SOX9: variants seen among roughly 807,000 people sequenced by gnomAD.
SOX9 encodes transcription factor SOX-9.
SOX9 carries 2 observed loss-of-function variants against 44.8 expected under a neutral mutation model. That is an observed-to-expected ratio of 0.04 (90% confidence interval 0.02 to 0.14). The LOEUF is 0.14. SOX9 is among the 10% of genes least tolerant of loss of function. The probability of loss-of-function intolerance (pLI) is 1.00; values close to 1 mark genes in which losing one functional copy is unlikely to be tolerated. For missense variants in SOX9, 583 were observed against 728.6 expected, an observed-to-expected ratio of 0.80 and a Z score of 2.30; for synonymous variants, 381 against 331.8, an observed-to-expected ratio of 1.15 and a Z score of -1.61.
Position 72,124,547 on chromosome 17 carries a change from T to A in SOX9, c.*160T>A. ...TCTTCTTCCTTAAAGACATTTAAGC[T>A]AAAGGCAACTCGTACCCAAATTTCC... On this transcript the variant is annotated 3_prime_UTR_variant, in exon 3 of 3. Coordinates refer to ENST00000245479, the MANE Select transcript of SOX9 (RefSeq NM_000346.4). This position sits in a 1 kb window ranked among gnomAD's most constrained non-coding sequence, Gnocchi z 4.6. The A allele has an allele frequency of 1.1e-6, 1 of 948,094 alleles. No individual in the cohort carries two copies. Among genetic ancestry groups the A allele is most frequent in the Non-Finnish European group, 1.6e-6 (1 of 620,034 alleles). 58.7% of individuals were successfully genotyped at this position (948,094 alleles called of 1,614,324 possible). A position where few individuals can be genotyped will look rare whatever the true frequency, so the allele number is the denominator to read the frequency against.
rs11448561 is a variant in SOX9, at chr17:72,126,364, C to CTTTTTTTTTTTTTT, written c.*1989_*1990insTTTTTTTTTTTTTT. 1 of 204,444 alleles carries CTTTTTTTTTTTTTT rather than the reference C, an allele frequency of 4.9e-6. No individual in the cohort carries two copies. Among genetic ancestry groups the CTTTTTTTTTTTTTT allele is most frequent in the African/African-American group, 2.4e-5 (1 of 42,356 alleles). The allele number at this position is 204,444 out of a possible 1,614,324, so 12.7% of individuals were successfully genotyped here. On this transcript the variant is annotated 3_prime_UTR_variant, in exon 3 of 3. Coordinates refer to ENST00000245479, the MANE Select transcript of SOX9 (RefSeq NM_000346.4). ...AACTTACCTTTCCCTTTTTCTTTCT[C>CTTTTTTTTTTTTTT]TTTTTTTTTTTTGTATATTATTGTT...
rs2143244963 is a variant in SOX9 at position 72,122,722 on chromosome 17, T to G, written c.435T>G (p.Leu145=). The stretch of plus-strand genomic sequence containing the variant: ...CCCCCCGCCCCGCCCCGAGCAGACT[T>G]CTGAACGAGAGCGAGAAGCGGCCCT... The part of the protein sequence containing the change: ...LSKTLGKLWR[L]LNESEKRPFV... The change falls in exon 2 of 3, where the codon CTT becomes CTG. Residue 145 remains leucine, a synonymous_variant. Coordinates refer to ENST00000245479, the MANE Select transcript of SOX9 (RefSeq NM_000346.4). 1 of 1,613,690 alleles carries G rather than the reference T, an allele frequency of 6.2e-7. No individual in the cohort carries two copies.
Position 72,123,966 on chromosome 17 carries a change from C to G in SOX9, c.1109C>G (p.Pro370Arg). 2.0e-6 allele frequency: 3 copies of G among 1,473,684 alleles called. No individual in the cohort carries two copies. The highest frequency in any genetic ancestry group is 2.7e-6 in the Non-Finnish European group (3 of 1,115,226). The allele number at this position is 1,473,684 out of a possible 1,614,324, so 91.3% of individuals were successfully genotyped here. ...PQPQAAPPQQPAAPPQQPQAH... is the reference protein window; with the variant it reads ...PQPQAAPPQQRAAPPQQPQAH... ...CCGCAGGCGGCGCCCCCACAGCAGCCGGCGGCACCCCCGCAGCAGCCACAG... is the reference window on the plus strand; with the variant it reads ...CCGCAGGCGGCGCCCCCACAGCAGCGGGCGGCACCCCCGCAGCAGCCACAG... Residue 370 changes from proline (P) to arginine (R), a missense_variant, in exon 3 of 3, where the codon CCG becomes CGG. Pro to Arg is a moderately radical substitution (Grantham distance 103). Transcript: ENST00000245479. The surrounding 1 kb of genome is among the most constrained non-coding windows in gnomAD (Gnocchi z 6.5).
chr17:72,123,790 C>T lies in SOX9; in HGVS notation c.933C>T (p.Gly311=), dbSNP rs1410777728. The change falls in exon 3 of 3, where the codon GGC becomes GGT. Residue 311 remains glycine (G), a synonymous_variant. Coordinates refer to ENST00000245479, the MANE Select transcript of SOX9 (RefSeq NM_000346.4). This position sits in a 1 kb window ranked among gnomAD's most constrained non-coding sequence, Gnocchi z 6.5. ...ACCCGGGGGTGCCGGCCACGCACGGCCAGGTCACCTACACGGGCAGCTACG... is the reference window on the plus strand; with the variant it reads ...ACCCGGGGGTGCCGGCCACGCACGGTCAGGTCACCTACACGGGCAGCTACG... ...NGHPGVPATH[G]QVTYTGSYGI... is the part of the protein sequence containing the mutation. The T allele has an allele frequency of 1.2e-6, 2 of 1,612,930 alleles. No homozygotes were observed. The highest frequency in any genetic ancestry group is 1.7e-6 in the Non-Finnish European group (2 of 1,179,842).
Position 72,123,113 on chromosome 17 carries a change from C to G in SOX9, c.685+141C>G, listed in dbSNP as rs2143248447. The G allele has an allele frequency of 9.9e-7, 1 of 1,006,414 alleles. No homozygotes were observed. The highest frequency in any genetic ancestry group is 2.6e-5 in the East Asian group (1 of 38,342). The allele number at this position is 1,006,414 out of a possible 1,614,324, so 62.3% of individuals were successfully genotyped here. Reference sequence around the variant, plus strand: ...TGCCCTTTGCGCCCGTCCCGCTCCCCTCTCTACCCAGAGCCTAAGAGGCAT... The same window carrying G: ...TGCCCTTTGCGCCCGTCCCGCTCCCGTCTCTACCCAGAGCCTAAGAGGCAT... On this transcript the variant is annotated intron_variant, in intron 2 of 2. Coordinates refer to ENST00000245479, the MANE Select transcript of SOX9 (RefSeq NM_000346.4). The surrounding 1 kb of genome is among the most constrained non-coding windows in gnomAD (Gnocchi z 6.5).
Position 72,121,397 on chromosome 17 carries a change from T to A in SOX9, c.6T>A (p.Asn2Lys), listed in dbSNP as rs1479987082. 1 of 1,612,086 alleles carries A rather than the reference T, an allele frequency of 6.2e-7. No homozygotes were observed. Among genetic ancestry groups the A allele is most frequent in the Admixed American group, 1.7e-5 (1 of 59,992 alleles). Reference sequence around the variant, plus strand: ...CCCCTGCCCCGGGCCCGCGTATGAATCTCCTGGACCCCTTCATGAAGATGA... The same window carrying A: ...CCCCTGCCCCGGGCCCGCGTATGAAACTCCTGGACCCCTTCATGAAGATGA... Reference protein sequence around the residue: MNLLDPFMKMTD... With the variant: MKLLDPFMKMTD... The change falls in exon 1 of 3, where the codon AAT becomes AAA. Residue 2 changes from asparagine (N) to lysine (K), a missense_variant. By Grantham distance (94) the Asn-to-Lys change is moderately conservative (BLOSUM62 0). This residue lies in a region of SOX9 where 101 missense variants were observed against 98.6 expected (regional missense o/e 1.02). Transcript: ENST00000245479. The surrounding 1 kb of genome is among the most constrained non-coding windows in gnomAD (Gnocchi z 8.3).
In SOX9 at chr17:72,124,444, A is replaced by C; in HGVS notation, c.*57A>C. The C allele has an allele frequency of 1.3e-6, 2 of 1,575,676 alleles. No homozygotes were observed. Among genetic ancestry groups the C allele is most frequent in the South Asian group, 1.1e-5 (1 of 90,642 alleles). ...AGATGATCCTAAAAATAACCGAAGA[A>C]AGAGAGGACCAACCAGAATTCCCTT... On this transcript the variant is annotated 3_prime_UTR_variant, in exon 3 of 3. Transcript: ENST00000245479. The surrounding 1 kb of genome is among the most constrained non-coding windows in gnomAD (Gnocchi z 4.6).
In SOX9 at chr17:72,123,047, G is replaced by C; in HGVS notation, c.685+75G>C. The C allele has an allele frequency of 6.4e-7, 1 of 1,569,684 alleles. No individual in the cohort carries two copies. The highest frequency in any genetic ancestry group is 8.7e-7 in the Non-Finnish European group (1 of 1,153,462). ...CACACCCCCTGCCCTCCGCCTGGGA[G>C]ATTCTTCGTGGGGACTTTATGCTTC... On this transcript the variant is annotated intron_variant, in intron 2 of 2. Transcript: ENST00000245479. The surrounding 1 kb of genome is among the most constrained non-coding windows in gnomAD (Gnocchi z 6.5).
rs201994187 is a variant in SOX9, at chr17:72,124,137, A to G, written c.1280A>G (p.His427Arg). ...QIAYSPFNLP[H>R]YSPSYPPITR... ...GCCTACAGCCCCTTCAACCTCCCAC[A>G]CTACAGCCCCTCCTACCCGCCCATC... Residue 427 changes from histidine (H) to arginine (R), a missense_variant, in exon 3 of 3, where the codon CAC (histidine) becomes CGC (arginine). His to Arg is a conservative substitution (Grantham distance 29, BLOSUM62 0). This residue lies in a region of SOX9 where 349 missense variants were observed against 387.0 expected (regional missense o/e 0.90). Coordinates refer to ENST00000245479, the MANE Select transcript of SOX9 (RefSeq NM_000346.4). The surrounding 1 kb of genome is among the most constrained non-coding windows in gnomAD (Gnocchi z 4.6). 1.9e-6 allele frequency: 3 copies of G among 1,613,530 alleles called. No homozygotes were observed. The highest frequency in any genetic ancestry group is 1.7e-5 in the Admixed American group (1 of 59,990).
chr17:72,124,371 A>G lies in SOX9; in HGVS notation c.1514A>G (p.Gln505Arg). The change falls in exon 3 of 3, where the codon CAG (glutamine) becomes CGG (arginine). Residue 505 changes from glutamine (Q) to arginine (R), a missense_variant. This residue lies in a region of SOX9 where 349 missense variants were observed against 387.0 expected (regional missense o/e 0.90). Transcript: ENST00000245479. The surrounding 1 kb of genome is among the most constrained non-coding windows in gnomAD (Gnocchi z 4.6). Reference sequence around the variant, plus strand: ...CACTGGGAACAACCCGTCTACACACAGCTCACTCGACCTTGAGGAGGCCTC... The same window carrying G: ...CACTGGGAACAACCCGTCTACACACGGCTCACTCGACCTTGAGGAGGCCTC... Reference protein sequence around the residue: ...PQHWEQPVYTQLTRP With the variant: ...PQHWEQPVYTRLTRP 6.2e-7 allele frequency: 1 copy of G among 1,600,330 alleles called. No homozygotes were observed. The highest frequency in any genetic ancestry group is 8.5e-7 in the Non-Finnish European group (1 of 1,179,956).
In SOX9 at chr17:72,124,091, C is replaced by G. The variant is rs1341243329; in HGVS notation, c.1234C>G (p.Gln412Glu). ...CCCCAGCCACTACAGCGAGCAGCAG[C>G]AGCACTCGCCCCAACAGATCGCCTA... ...LSPSHYSEQQ[Q>E]HSPQQIAYSP... The change falls in exon 3 of 3, where the codon CAG (glutamine) becomes GAG (glutamate). Residue 412 changes from glutamine (Q) to glutamate (E), a missense_variant. By Grantham distance (29) the Gln-to-Glu change is conservative. This residue lies in a region of SOX9 where 349 missense variants were observed against 387.0 expected (regional missense o/e 0.90). Coordinates refer to ENST00000245479, the MANE Select transcript of SOX9 (RefSeq NM_000346.4). This position sits in a 1 kb window ranked among gnomAD's most constrained non-coding sequence, Gnocchi z 4.6. 1 of 1,613,734 alleles carries G rather than the reference C, an allele frequency of 6.2e-7. No homozygotes were observed. Among genetic ancestry groups the G allele is most frequent in the Admixed American group, 1.7e-5 (1 of 60,024 alleles).
rs1390665178 is a variant in SOX9 at position 72,122,876 on chromosome 17, C to G, written c.589C>G (p.His197Asp). 6.2e-7 allele frequency: 1 copy of G among 1,614,154 alleles called. No individual in the cohort carries two copies. The highest frequency in any genetic ancestry group is 8.5e-7 in the Non-Finnish European group (1 of 1,180,024). ...GGCAGAGGAGGCCACGGAGCAGACG[C>G]ACATCTCCCCCAACGCCATCTTCAA... ...AEAEEATEQTHISPNAIFKAL... is the reference protein window; with the variant it reads ...AEAEEATEQTDISPNAIFKAL... The change falls in exon 2 of 3, where the codon CAC becomes GAC. Residue 197 changes from histidine (H) to aspartate (D), a missense_variant. Physicochemically the swap from His to Asp is moderately conservative, Grantham distance 81. Coordinates refer to ENST00000245479, the MANE Select transcript of SOX9 (RefSeq NM_000346.4).
In SOX9 at chr17:72,121,484, G is replaced by T. The variant is rs1488790677; in HGVS notation, c.93G>T (p.Ala31=). 1.2e-6 allele frequency: 2 copies of T among 1,611,830 alleles called. No individual in the cohort carries two copies. Among genetic ancestry groups the T allele is most frequent in the Non-Finnish European group, 8.5e-7 (1 of 1,179,552 alleles). The part of the protein sequence containing the change: ...APSPTMSEDS[A]GSPCPSGSGS... Reference sequence around the variant, plus strand: ...GCCCCACCATGTCCGAGGACTCCGCGGGCTCGCCCTGCCCGTCGGGCTCCG... The same window carrying T: ...GCCCCACCATGTCCGAGGACTCCGCTGGCTCGCCCTGCCCGTCGGGCTCCG... Residue 31 remains alanine, a synonymous_variant, in exon 1 of 3, where the codon GCG becomes GCT. Coordinates refer to ENST00000245479, the MANE Select transcript of SOX9 (RefSeq NM_000346.4). This position sits in a 1 kb window ranked among gnomAD's most constrained non-coding sequence, Gnocchi z 8.3.
chr17:72,122,641 C>T (rs2143244269), intron 1 of SOX9, 78 bp from the exon 2 acceptor site: 1 of 1,492,196 alleles, frequency 6.7e-7, no homozygotes, highest in Non-Finnish European at 9.1e-7. Context: ...GCCTCCTCCC[C>T]GCCGACCTGA....
chr17:72,121,551 C>A lies in SOX9; in HGVS notation c.160C>A (p.Pro54Thr), dbSNP rs1269568418. The part of the protein sequence containing the change: ...ENTRPQENTF[P>T]KGEPDLKKES... Reference sequence around the variant, plus strand: ...CACGCGGCCCCAGGAGAACACGTTCCCCAAGGGCGAGCCCGATCTGAAGAA... The same window carrying A: ...CACGCGGCCCCAGGAGAACACGTTCACCAAGGGCGAGCCCGATCTGAAGAA... Residue 54 changes from proline (P) to threonine (T), a missense_variant, in exon 1 of 3, where the codon CCC (proline) becomes ACC (threonine). This residue lies in a region of SOX9 where 101 missense variants were observed against 98.6 expected (regional missense o/e 1.02). Coordinates refer to ENST00000245479, the MANE Select transcript of SOX9 (RefSeq NM_000346.4). The surrounding 1 kb of genome is among the most constrained non-coding windows in gnomAD (Gnocchi z 8.3). 2.5e-6 allele frequency: 4 copies of A among 1,609,438 alleles called. No homozygotes were observed. The highest frequency in any genetic ancestry group is 2.2e-5 in the South Asian group (2 of 90,128).
Position 72,124,626 on chromosome 17 carries a change from G to T in SOX9, c.*239G>T. 2 of 601,246 alleles carry T rather than the reference G, an allele frequency of 3.3e-6. No homozygotes were observed. The highest frequency in any genetic ancestry group is 5.7e-5 in the East Asian group (2 of 35,318). The allele number at this position is 601,246 out of a possible 1,614,324, so 37.2% of individuals were successfully genotyped here. A position where few individuals can be genotyped will look rare whatever the true frequency, so the allele number is the denominator to read the frequency against. ...ATTACCCACTTGTGGCCAATCAGTG[G>T]CCAGGCCAACCTTGGCTAAATGGAG... On this transcript the variant is annotated 3_prime_UTR_variant, in exon 3 of 3. Transcript: ENST00000245479. The surrounding 1 kb of genome is among the most constrained non-coding windows in gnomAD (Gnocchi z 4.6).
Position 72,124,099 on chromosome 17 carries a change from G to A in SOX9, c.1242G>A (p.Ser414=), listed in dbSNP as rs1908206909. Residue 414 remains serine, a synonymous_variant, in exon 3 of 3, where the codon TCG becomes TCA. Coordinates refer to ENST00000245479, the MANE Select transcript of SOX9 (RefSeq NM_000346.4). This position sits in a 1 kb window ranked among gnomAD's most constrained non-coding sequence, Gnocchi z 4.6. ...ACTACAGCGAGCAGCAGCAGCACTC[G>A]CCCCAACAGATCGCCTACAGCCCCT... The part of the protein sequence containing the change: ...PSHYSEQQQH[S]PQQIAYSPFN... The A allele has an allele frequency of 1.2e-6, 2 of 1,613,642 alleles. No homozygotes were observed. Among genetic ancestry groups the A allele is most frequent in the Non-Finnish European group, 1.7e-6 (2 of 1,179,968 alleles).
chr17:72,121,202 C>T lies in SOX9; in HGVS notation c.-190C>T, dbSNP rs187245903. ...TTCGCCTCCCCCCACTTGGAGCGGG[C>T]AGCTGTGAACTGGCCACCCCGCGCC... is the stretch of plus-strand genomic sequence containing the variant. On this transcript the variant is annotated 5_prime_UTR_variant, in exon 1 of 3. Coordinates refer to ENST00000245479, the MANE Select transcript of SOX9 (RefSeq NM_000346.4). This position sits in a 1 kb window ranked among gnomAD's most constrained non-coding sequence, Gnocchi z 8.3. 6.3e-5 allele frequency: 38 copies of T among 599,256 alleles called. No individual in the cohort carries two copies. The African/African-American group carries it at 7.1e-4, about 11-fold the overall frequency. The allele number at this position is 599,256 out of a possible 1,614,324, so 37.1% of individuals were successfully genotyped here.
intron 1 of SOX9, among the ~76,000 whole-genome samples, chr17:72,122,252 G>A: frequency 6.6e-6 from 1 of 152,024 alleles, no homozygotes; most frequent in Non-Finnish European, 1.5e-5. Flanking sequence ...GAGGTTGGAG[G>A]AGACCCTTGG....
Sources: gnomAD v4.1 joint callset for allele counts (sites outside exome capture counted in the v4.1 genomes callset) on GRCh38, gnomAD v4.1.1 for gene constraint, gnomAD v4.1.1 regional missense constraint, Gnocchi (gnomAD v3.1) non-coding constraint, MANE v1.5 for transcripts, NCBI Gene and HGNC (gene_info 2026-07-23, HGNC 2026-07-21) for gene names.